Variants in DYNC2LI1 observed in about 807,000 individuals in gnomAD.
DYNC2LI1 encodes cytoplasmic dynein 2 light intermediate chain 1.
In DYNC2LI1, 45 loss-of-function variants were observed where a neutral mutation model predicts 51.9. The ratio of observed to expected loss-of-function variants is 0.87; its 90% CI spans 0.68 to 1.11. The LOEUF (loss-of-function observed/expected upper bound fraction) is 1.11, where lower values mean the gene tolerates loss of function less well. Ranked by LOEUF, DYNC2LI1 falls within the 50% of genes most tolerant of loss-of-function variation. The pLI, the probability that DYNC2LI1 is intolerant of heterozygous loss-of-function variation, is 0.00. For synonymous variants in DYNC2LI1, 130 were observed against 137.8 expected (o/e 0.94, Z 0.40); for missense variants, 490 against 417.4 (o/e 1.17, Z -1.51).
At chr2:43,807,221 A>C (rs753769963) in intron 12 of DYNC2LI1, among the ~76,000 whole-genome samples, 1 of 152,128 alleles carries the variant, frequency 6.6e-6, no homozygotes, top group Non-Finnish European at 1.5e-5. Flanking sequence ...GAGGATTGGT[A>C]GGAAGACCCC....
At chr2:43,798,348 A>T (rs1665958989) in intron 8 of DYNC2LI1, among the ~76,000 whole-genome samples, 1 of 152,194 alleles carries the variant, frequency 6.6e-6, no homozygotes. Context: ...TTTATGTTTG[A>T]ATCGTATTTG....
At chr2:43,792,244 G>T (rs1403893175) in intron 5 of DYNC2LI1, among the ~76,000 whole-genome samples, 1 of 152,070 alleles carries the variant, frequency 6.6e-6, no homozygotes, top group Non-Finnish European at 1.5e-5. Context: ...TAATTAATGT[G>T]TAAAAGACTA....
intron 2 of DYNC2LI1, among the ~76,000 whole-genome samples, chr2:43,778,128 T>C (rs1239930249): frequency 6.6e-6 from 1 of 152,206 alleles, no homozygotes; most frequent in African/African-American, 2.4e-5. Context: ...TATTTTAAAA[T>C]TTTAACCCAA....
At position 43,783,966 on chromosome 2, in the gene DYNC2LI1, A is replaced by G. The variant is rs373820407; in HGVS notation, c.161+412A>G. Among the ~76,000 whole-genome samples, 10 of 152,266 alleles carry G rather than the reference A, an allele frequency of 6.6e-5. No homozygotes were observed. In the South Asian group the frequency reaches 1.7e-3, roughly 25 times the overall value. On this transcript the variant is annotated intron_variant, in intron 3 of 12. Transcript: ENST00000260605. ...CCTCAAACTGGATATTTTATCATTT[A>G]TTTTATATATTTCCTAACGTATACT...
At chr2:43,788,844 G>C (rs116068895) in intron 4 of DYNC2LI1, among the ~76,000 whole-genome samples, 1 of 152,292 alleles carries the variant, frequency 6.6e-6, no homozygotes, top group East Asian at 1.9e-4. Context: ...GTGTTGGCCA[G>C]ACTGACCTTG....
downstream of DYNC2LI1, chr2:43,810,038 A>C (rs1666428836): frequency 1.2e-6 from 1 of 841,932 alleles, no homozygotes. Context: ...TACTCAATTC[A>C]GCATGTATAA....
rs142982425 is a variant in DYNC2LI1, at chr2:43,785,449, T to C, written c.162-1732T>C. ...GCCAGAAACAAAAAAAACACAAATA[T>C]TGGGGTGGGTGCAGTGGCTCACACC... is the stretch of plus-strand genomic sequence containing the variant. On this transcript the variant is annotated intron_variant, in intron 3 of 12. Transcript: ENST00000260605. Among the ~76,000 whole-genome samples, 841 of 151,912 alleles carry C rather than the reference T, an allele frequency of 5.5e-3. 8 individuals carry two copies. The highest frequency in any genetic ancestry group is 0.018 in the African/African-American group (738 of 41,402).
intron 12 of DYNC2LI1, among the ~76,000 whole-genome samples, chr2:43,807,606 A>AT (rs1666310838): frequency 6.6e-6 from 1 of 151,612 alleles, no homozygotes; most frequent in Non-Finnish European, 1.5e-5. Context: ...TGCCCGGGTA[A>AT]TTTTTTTGTT....
At chr2:43,824,405 CT>C in the DYNC2LI1 span, 1 of 1,614,098 alleles carries the variant, frequency 6.2e-7, no homozygotes, top group Non-Finnish European at 8.5e-7. Flanking sequence ...CCGTTCCTTG[CT>C]TTGGGTATCC....
chr2:43,780,596 C>G (rs895389259), intron 2 of DYNC2LI1, among the ~76,000 whole-genome samples: 3 of 152,014 alleles, frequency 2.0e-5, no homozygotes, highest in Non-Finnish European at 4.4e-5. Context: ...CAGGGTAAGT[C>G]ATATTTTAGT....
At position 43,774,095 on chromosome 2, in the gene DYNC2LI1, A is replaced by G. The variant is rs1234272921; in HGVS notation, c.-44A>G. 1 of 1,612,778 alleles carries G rather than the reference A, an allele frequency of 6.2e-7. No individual in the cohort carries two copies. The highest frequency in any genetic ancestry group is 1.7e-5 in the Admixed American group (1 of 59,990). On this transcript the variant is annotated 5_prime_UTR_variant, in exon 1 of 13. Transcript: ENST00000260605. Reference sequence around the variant, plus strand: ...CTCGCCGCCTGATTCTAGGCTGGTCACTACTCCGAGCCTGTGACGTTTGCG... The same window carrying G: ...CTCGCCGCCTGATTCTAGGCTGGTCGCTACTCCGAGCCTGTGACGTTTGCG...
chr2:43,795,001 A>G, intron 6 of DYNC2LI1: 1 of 1,165,566 alleles, frequency 8.6e-7, no homozygotes, highest in East Asian at 4.3e-5. Context: ...TGAAGCTACA[A>G]CTTTAAGCAA....
intron 3 of DYNC2LI1, among the ~76,000 whole-genome samples, chr2:43,786,036 A>G (rs891046108): frequency 6.6e-6 from 1 of 152,260 alleles, no homozygotes; most frequent in Non-Finnish European, 1.5e-5. Context: ...AATATAAGCT[A>G]TAGTATAAAT....
chr2:43,784,518 C>G (rs2104673089), intron 3 of DYNC2LI1, among the ~76,000 whole-genome samples: 1 of 152,148 alleles, frequency 6.6e-6, no homozygotes, highest in Non-Finnish European at 1.5e-5. Context: ...CGGCTCACTG[C>G]AACCTCCGCC....
the DYNC2LI1 span, chr2:43,827,877 A>C: frequency 6.5e-6 from 10 of 1,536,416 alleles, no homozygotes; most frequent in East Asian, 1.2e-4. Flanking sequence ...TCAGTTGTAC[A>C]CAAACCCCTT....
intron 5 of DYNC2LI1, 168 bp from the exon 6 acceptor site, chr2:43,794,289 T>A: frequency 1.6e-6 from 1 of 619,254 alleles, no homozygotes; most frequent in South Asian, 2.5e-5. Flanking sequence ...TTGGAATAAA[T>A]AAGGCTATGA....
intron 7 of DYNC2LI1, 119 bp from the exon 8 acceptor site, chr2:43,796,599 C>G: frequency 1.4e-6 from 1 of 703,862 alleles, no homozygotes; most frequent in Admixed American, 2.6e-5. Flanking sequence ...TAATGGAATC[C>G]TATTCCTGAA....
intron 1 of DYNC2LI1, chr2:43,775,882 T>C (rs1672993713): frequency 4.5e-6 from 1 of 221,424 alleles, no homozygotes; most frequent in East Asian, 1.6e-4. Flanking sequence ...TTTTTTTTTT[T>C]TTAGTAGAGA....
downstream of DYNC2LI1, chr2:43,812,828 A>G (rs1666552625): frequency 2.7e-6 from 1 of 366,790 alleles, no homozygotes; most frequent in Admixed American, 4.3e-5. Flanking sequence ...AAAAATAGTC[A>G]CACGAGTCTC....
Sources: allele counts gnomAD v4.1 joint callset (sites outside exome capture counted in the v4.1 genomes callset), GRCh38; gene constraint gnomAD v4.1.1; transcripts MANE v1.5; gene names NCBI Gene and HGNC (gene_info 2026-07-23, HGNC 2026-07-21).